Variants in DENND1B observed in about 807,000 individuals in gnomAD.
DENND1B encodes DENN domain containing 1B, also known as DENN domain-containing protein 1B.
In DENND1B, 59 loss-of-function variants were observed where a neutral mutation model predicts 90.1. The ratio of observed to expected loss-of-function variants is 0.65; its 90% CI spans 0.53 to 0.81. DENND1B has a LOEUF of 0.81. DENND1B is among the 40% of genes least tolerant of loss of function. The pLI is 0.00. For synonymous variants in DENND1B, 337 were observed against 324.6 expected (o/e 1.04, Z -0.41); for missense variants, 862 against 912.6 (o/e 0.94, Z 0.71).
intron 5 of DENND1B, among the ~76,000 whole-genome samples, chr1:197,668,792 A>T (rs1655194908): frequency 6.6e-6 from 1 of 152,048 alleles, no homozygotes; most frequent in African/African-American, 2.4e-5. Flanking sequence ...AACTGAAATT[A>T]CTGACTGAAG....
chr1:197,643,601 T>A (rs977235637), intron 9 of DENND1B, among the ~76,000 whole-genome samples: 48 of 152,210 alleles, frequency 3.2e-4, no homozygotes, highest in African/African-American at 8.7e-4. Flanking sequence ...CGACACAGCA[T>A]GCACAACGTA....
At chr1:197,767,612 G>A (rs1020231441) in intron 2 of DENND1B, among the ~76,000 whole-genome samples, 9 of 152,210 alleles carry the variant, frequency 5.9e-5, no homozygotes, top group East Asian at 5.8e-4. Flanking sequence ...AAAACAAGAC[G>A]TGCTAAAGAT....
At chr1:197,514,350 C>A (rs945130724) in intron 20 of DENND1B, among the ~76,000 whole-genome samples, 7 of 151,578 alleles carry the variant, frequency 4.6e-5, no homozygotes, top group African/African-American at 1.7e-4. Flanking sequence ...TCCTAACAAT[C>A]TCTAAAGGCA....
At chr1:197,611,204 C>T (rs1356059336) in intron 12 of DENND1B, among the ~76,000 whole-genome samples, 1 of 150,808 alleles carries the variant, frequency 6.6e-6, no homozygotes, top group East Asian at 2.0e-4. Context: ...TAGCATCTAG[C>T]ATAATGACAC....
Position 197,583,229 on chromosome 1 carries a change from C to T in DENND1B, c.1072G>A (p.Glu358Lys), listed in dbSNP as rs775140401. Residue 358 changes from glutamate (E) to lysine (K), a missense_variant, in exon 15 of 23, where the codon GAG (glutamate) becomes AAG (lysine). Coordinates refer to ENST00000620048, the MANE Select transcript of DENND1B (RefSeq NM_001195215.2). Reference protein sequence around the residue: ...KPGEPITFCEESFVKHRSSVM... With the variant: ...KPGEPITFCEKSFVKHRSSVM... ...CTTGAGCGGTGCTTTACAAAACTCT[C>T]CTCACAGAAAGTGATGGGCTCACCC... 1 of 1,613,662 alleles carries T rather than the reference C, an allele frequency of 6.2e-7. No individual in the cohort carries two copies. Among genetic ancestry groups the T allele is most frequent in the African/African-American group, 1.3e-5 (1 of 74,896 alleles).
At chr1:197,588,746 A>G (rs1254430167) in intron 14 of DENND1B, among the ~76,000 whole-genome samples, 1 of 152,146 alleles carries the variant, frequency 6.6e-6, no homozygotes, top group Non-Finnish European at 1.5e-5. Context: ...TTTCTTCTAC[A>G]TGTCCCAATG....
intron 4 of DENND1B, among the ~76,000 whole-genome samples, chr1:197,672,985 C>T (rs906634034): frequency 2.6e-5 from 4 of 152,006 alleles, no homozygotes; most frequent in Admixed American, 6.6e-5. Context: ...ATATCCATGA[C>T]GCCTACACTT....
At chr1:197,687,873 T>A (rs1258073019) in intron 3 of DENND1B, among the ~76,000 whole-genome samples, 2 of 152,050 alleles carry the variant, frequency 1.3e-5, no homozygotes, top group African/African-American at 4.8e-5. Context: ...AAAAGTAAAA[T>A]TATTTCTGTT....
intron 16 of DENND1B, among the ~76,000 whole-genome samples, chr1:197,551,747 G>A (rs1465515921): frequency 2.0e-5 from 3 of 152,090 alleles, no homozygotes; most frequent in Non-Finnish European, 4.4e-5. Flanking sequence ...CCGAATAGAT[G>A]CCTTAAGCAA....
chr1:197,729,433 TA>T (rs1661953494), intron 2 of DENND1B, among the ~76,000 whole-genome samples: 1 of 152,132 alleles, frequency 6.6e-6, no homozygotes, highest in Non-Finnish European at 1.5e-5. Flanking sequence ...TACCCTAACA[TA>T]AACCTGATCA....
intron 20 of DENND1B, among the ~76,000 whole-genome samples, chr1:197,525,435 A>G (rs1042344065): frequency 6.6e-6 from 1 of 152,084 alleles, no homozygotes; most frequent in African/African-American, 2.4e-5. Flanking sequence ...TTGCAATTTC[A>G]CTTTTGTTGA....
At chr1:197,656,250 T>G (rs1653811615) in intron 6 of DENND1B, among the ~76,000 whole-genome samples, 1 of 151,612 alleles carries the variant, frequency 6.6e-6, no homozygotes, top group Admixed American at 6.6e-5. Flanking sequence ...CACCAAAATT[T>G]TAGGTGTAGA....
intron 10 of DENND1B, among the ~76,000 whole-genome samples, chr1:197,624,217 C>T (rs186941876): frequency 2.3e-4 from 35 of 151,704 alleles, no homozygotes; most frequent in South Asian, 1.5e-3. Flanking sequence ...TATAAAAGAA[C>T]ATACAATTAG....
chr1:197,577,017 G>C (rs544597093), intron 15 of DENND1B, among the ~76,000 whole-genome samples: 17 of 152,016 alleles, frequency 1.1e-4, no homozygotes, highest in South Asian at 4.2e-4. Context: ...TGAGGCTCTT[G>C]GATTGACACA....
At chr1:197,774,970 C>T (rs1657093242) in intron 1 of DENND1B, among the ~76,000 whole-genome samples, 169 bp downstream of exon 1, 1 of 151,990 alleles carries the variant, frequency 6.6e-6, no homozygotes, top group African/African-American at 2.4e-5. Context: ...CTAGCGCCGT[C>T]CCGCCGGCCG....
At chr1:197,669,656 T>G (rs1366385386) in intron 5 of DENND1B, among the ~76,000 whole-genome samples, 1 of 152,094 alleles carries the variant, frequency 6.6e-6, no homozygotes, top group East Asian at 1.9e-4. Context: ...AGGGCAATAT[T>G]TTTCTAATTT....
chr1:197,528,784 C>G (rs112918102), intron 20 of DENND1B, among the ~76,000 whole-genome samples: 1 of 149,918 alleles, frequency 6.7e-6, no homozygotes, highest in Non-Finnish European at 1.5e-5. Flanking sequence ...GGCGTGAACC[C>G]GGGAGGCGGA....
intron 10 of DENND1B, among the ~76,000 whole-genome samples, chr1:197,624,332 A>G (rs1678452041): frequency 6.6e-6 from 1 of 151,740 alleles, no homozygotes; most frequent in African/African-American, 2.4e-5. Context: ...AGACAGTCTT[A>G]TCAATAAATG....
intron 14 of DENND1B, among the ~76,000 whole-genome samples, chr1:197,583,597 T>C (rs1674435289): frequency 6.6e-6 from 1 of 152,214 alleles, no homozygotes. Flanking sequence ...TATTGCATCC[T>C]GATTGGAAAA....
Sources: allele counts gnomAD v4.1 joint callset (sites outside exome capture counted in the v4.1 genomes callset), GRCh38; gene constraint gnomAD v4.1.1; transcripts MANE v1.5; gene names NCBI Gene and HGNC (gene_info 2026-07-23, HGNC 2026-07-21).